Variants in LY6G6D observed in about 807,000 individuals in gnomAD.
The protein encoded by LY6G6D is lymphocyte antigen 6 family member G6D.
In LY6G6D, 5 loss-of-function variants were observed where a neutral mutation model predicts 8.5. That is an observed-to-expected ratio of 0.59 (90% confidence interval 0.31 to 1.24). The LOEUF is 1.24. Ranked by LOEUF, LY6G6D falls within the 50% of genes most tolerant of loss-of-function variation. The probability of loss-of-function intolerance (pLI) is 0.07; values close to 1 mark genes in which losing one functional copy is unlikely to be tolerated. For synonymous variants in LY6G6D, 65 were observed against 69.6 expected (o/e 0.93, Z 0.33); for missense variants, 154 against 170.4 (o/e 0.90, Z 0.53).
rs368565028 is a variant in LY6G6D at position 31,717,799 on chromosome 6, G to A, written c.397G>A (p.Gly133Arg). ...CTGTCTCTTGCCAGGACTGTGGAGC[G>A]GATAGGGGGAGTAGGAGTAGAGAAG... ...LTCLLPGLWS[G>R] Residue 133 changes from glycine to arginine, a missense_variant, in exon 3 of 3, where the codon GGA (glycine) becomes AGA (arginine). Physicochemically the swap from Gly to Arg is moderately radical, Grantham distance 125 (BLOSUM62 -2). Coordinates refer to ENST00000375825, the MANE Select transcript of LY6G6D (RefSeq NM_021246.4). This position sits in a 1 kb window ranked among gnomAD's most constrained non-coding sequence, Gnocchi z 5.0. 110 of 1,609,762 alleles carry A rather than the reference G, an allele frequency of 6.8e-5. No individual in the cohort carries two copies. The highest frequency in any genetic ancestry group is 2.3e-4 in the African/African-American group (17 of 75,010).
rs1195915900 is a variant in LY6G6D at position 31,717,436 on chromosome 6, T to G, written c.179-145T>G. The G allele has an allele frequency of 6.3e-7, 1 of 1,595,194 alleles. No individual in the cohort carries two copies. The highest frequency in any genetic ancestry group is 1.1e-5 in the South Asian group (1 of 87,920). On this transcript the variant is annotated intron_variant, in intron 2 of 2. Transcript: ENST00000375825. The surrounding 1 kb of genome is among the most constrained non-coding windows in gnomAD (Gnocchi z 5.0). ...ATCAGGAGTTTACAAGGTCAATGCA[T>G]TAACTTTGATCACTTGGTTTCAGGG...
chr6:31,716,977 G>A lies in LY6G6D; in HGVS notation c.179-604G>A, dbSNP rs1007377203. Among the ~76,000 whole-genome samples, 2 of 151,006 alleles carry A rather than the reference G, an allele frequency of 1.3e-5. 1 individual carries two copies. Among genetic ancestry groups the A allele is most frequent in the East Asian group, 3.9e-4 (2 of 5,076 alleles). ...ATTAAACAAAAATTACGTGCCGGAT[G>A]CAGTGGCTCACGCCTGTAATCCCAG... On this transcript the variant is annotated intron_variant, in intron 2 of 2. Transcript: ENST00000375825. This position sits in a 1 kb window ranked among gnomAD's most constrained non-coding sequence, Gnocchi z 5.1.
chr6:31,715,421 G>T lies in LY6G6D; in HGVS notation c.55+11G>T. The T allele has an allele frequency of 6.2e-7, 1 of 1,605,204 alleles. No individual in the cohort carries two copies. On this transcript the variant is annotated intron_variant, in intron 1 of 2. Coordinates refer to ENST00000375825, the MANE Select transcript of LY6G6D (RefSeq NM_021246.4). ...TAGGGGCTGCCTTGGGTAAGGAGGCGGCCAGCTAGCTTCTCACACAGGCCT... is the reference window on the plus strand; with the variant it reads ...TAGGGGCTGCCTTGGGTAAGGAGGCTGCCAGCTAGCTTCTCACACAGGCCT...
At chr6:31,715,459 C>T in intron 1 of LY6G6D, 43 bp from the exon 2 acceptor site, 1 of 1,606,454 alleles carries the variant, frequency 6.2e-7, no homozygotes, top group Non-Finnish European at 8.5e-7. Flanking sequence ...TGCCAGCCGG[C>T]TCCACCGAGG....
chr6:31,715,531 G>A lies in LY6G6D; in HGVS notation c.85G>A (p.Gly29Arg), dbSNP rs1583792022. 6.2e-7 allele frequency: 1 copy of A among 1,613,010 alleles called. No individual in the cohort carries two copies. Among genetic ancestry groups the A allele is most frequent in the Non-Finnish European group, 8.5e-7 (1 of 1,180,014 alleles). ...GNRMRCYNCG[G>R]SPSSSCKEAV... ...CCGAATGCGGTGCTACAACTGTGGTGGAAGCCCCAGCAGTTCTTGCAAAGA... is the reference window on the plus strand; with the variant it reads ...CCGAATGCGGTGCTACAACTGTGGTAGAAGCCCCAGCAGTTCTTGCAAAGA... The change falls in exon 2 of 3, where the codon GGA becomes AGA. Residue 29 changes from glycine (G) to arginine (R), a missense_variant. Physicochemically the swap from Gly to Arg is moderately radical, Grantham distance 125. Transcript: ENST00000375825.
chr6:31,717,834 G>A lies in LY6G6D; in HGVS notation c.*30G>A. The A allele has an allele frequency of 6.9e-6, 11 of 1,589,038 alleles. No homozygotes were observed. The highest frequency in any genetic ancestry group is 9.4e-6 in the Non-Finnish European group (11 of 1,169,598). ...AGTAGGAGTAGAGAAGGGAACAAGG[G>A]AGCAAGGGAACAAGGGACATCTGAA... is the stretch of plus-strand genomic sequence containing the variant. On this transcript the variant is annotated 3_prime_UTR_variant, in exon 3 of 3. Transcript: ENST00000375825. This position sits in a 1 kb window ranked among gnomAD's most constrained non-coding sequence, Gnocchi z 5.0.
rs779953218 is a variant in LY6G6D, at chr6:31,717,740, C to A, written c.338C>A (p.Ala113Glu). The change falls in exon 3 of 3, where the codon GCA becomes GAA. Residue 113 changes from alanine to glutamate, a missense_variant. Ala to Glu is a moderately radical substitution (Grantham distance 107, BLOSUM62 -1). Coordinates refer to ENST00000375825, the MANE Select transcript of LY6G6D (RefSeq NM_021246.4). The surrounding 1 kb of genome is among the most constrained non-coding windows in gnomAD (Gnocchi z 5.0). ...GCCGTGGCAAGCCATGTGGCCCCTG[C>A]AGGCATTTTGGCTGCAGCAGCTACC... Reference protein sequence around the residue: ...NSAVASHVAPAGILAAAATAL... With the variant: ...NSAVASHVAPEGILAAAATAL... 8 of 1,614,154 alleles carry A rather than the reference C, an allele frequency of 5.0e-6. No individual in the cohort carries two copies. Among genetic ancestry groups the A allele is most frequent in the Non-Finnish European group, 6.8e-6 (8 of 1,180,036 alleles).
At chr6:31,715,945 G>A (rs374160908) in intron 2 of LY6G6D, among the ~76,000 whole-genome samples, 2 of 128,848 alleles carry the variant, frequency 1.6e-5, no homozygotes, top group Non-Finnish European at 3.2e-5. Context: ...TAAGGACCAG[G>A]GAGGGGTGTG....
Position 31,717,641 on chromosome 6 carries a change from T to G in LY6G6D, c.239T>G (p.Val80Gly). The G allele has an allele frequency of 6.2e-7, 1 of 1,614,148 alleles. No homozygotes were observed. The highest frequency in any genetic ancestry group is 8.5e-7 in the Non-Finnish European group (1 of 1,180,012). Residue 80 changes from valine (V) to glycine (G), a missense_variant, in exon 3 of 3, where the codon GTG becomes GGG. Val to Gly is a moderately radical substitution (Grantham distance 109, BLOSUM62 -3). Coordinates refer to ENST00000375825, the MANE Select transcript of LY6G6D (RefSeq NM_021246.4). The surrounding 1 kb of genome is among the most constrained non-coding windows in gnomAD (Gnocchi z 5.0). ...GTCGCAGCCCATCATTGCAATCAAG[T>G]GGAGACAGAGTCGGTGGGAGACGTG... ...ACVAAHHCNQ[V>G]ETESVGDVTY...
At position 31,715,631 on chromosome 6, in the gene LY6G6D, C is replaced by T; in HGVS notation, c.178+7C>T. Reference sequence around the variant, plus strand: ...ATCAAGCTACCTGGAAACCGTGAGTCCTCAGTTTCTCCCTCTTCCAGCAGC... The same window carrying T: ...ATCAAGCTACCTGGAAACCGTGAGTTCTCAGTTTCTCCCTCTTCCAGCAGC... On this transcript the variant is annotated splice_region_variant and intron_variant, in intron 2 of 2. Coordinates refer to ENST00000375825, the MANE Select transcript of LY6G6D (RefSeq NM_021246.4). 6.2e-7 allele frequency: 1 copy of T among 1,611,146 alleles called. No homozygotes were observed. The highest frequency in any genetic ancestry group is 8.5e-7 in the Non-Finnish European group (1 of 1,178,438).
Position 31,716,365 on chromosome 6 carries a change from G to A in LY6G6D, c.178+741G>A, listed in dbSNP as rs1203511615. Among the ~76,000 whole-genome samples, 1 of 152,124 alleles carries A rather than the reference G, an allele frequency of 6.6e-6. No individual in the cohort carries two copies. Among genetic ancestry groups the A allele is most frequent in the Non-Finnish European group, 1.5e-5 (1 of 68,030 alleles). On this transcript the variant is annotated intron_variant, in intron 2 of 2. Transcript: ENST00000375825. The surrounding 1 kb of genome is among the most constrained non-coding windows in gnomAD (Gnocchi z 5.1). Reference sequence around the variant, plus strand: ...AGCACTTTAGGAGGCCAAGGTGGGAGGACCACTTGAGCCCAAGAGTTGAGA... The same window carrying A: ...AGCACTTTAGGAGGCCAAGGTGGGAAGACCACTTGAGCCCAAGAGTTGAGA...
intron 2 of LY6G6D, 139 bp downstream of exon 2, chr6:31,715,763 C>T (rs1438839369): frequency 7.6e-7 from 1 of 1,310,092 alleles, no homozygotes; most frequent in African/African-American, 1.5e-5. Context: ...GCAGTCTGTA[C>T]CCCTTCTGGC....
chr6:31,717,365 G>A lies in LY6G6D; in HGVS notation c.179-216G>A, dbSNP rs1329572790. ...ATGAGATTGAGGTCATGCATTTTAA[G>A]CAAGAATACTGCAGAAGTGATGTTG... On this transcript the variant is annotated intron_variant, in intron 2 of 2. Coordinates refer to ENST00000375825, the MANE Select transcript of LY6G6D (RefSeq NM_021246.4). The surrounding 1 kb of genome is among the most constrained non-coding windows in gnomAD (Gnocchi z 5.0). 3 of 1,143,638 alleles carry A rather than the reference G, an allele frequency of 2.6e-6. No homozygotes were observed. The highest frequency in any genetic ancestry group is 2.6e-5 in the East Asian group (1 of 38,952). The allele number at this position is 1,143,638 out of a possible 1,614,324, so 70.8% of individuals were successfully genotyped here.
rs1424811978 is a variant in LY6G6D, at chr6:31,717,190, C to T, written c.179-391C>T. Among the ~76,000 whole-genome samples, 3 of 149,246 alleles carry T rather than the reference C, an allele frequency of 2.0e-5. No homozygotes were observed. Among genetic ancestry groups the T allele is most frequent in the Admixed American group, 6.7e-5 (1 of 14,880 alleles). On this transcript the variant is annotated intron_variant, in intron 2 of 2. Transcript: ENST00000375825. This position sits in a 1 kb window ranked among gnomAD's most constrained non-coding sequence, Gnocchi z 5.0. ...GCTTGAACCCAAGAGGTGGAGGTCG[C>T]GGTGAGCCGAGATCACACCATTGCA...
chr6:31,715,529 G>A lies in LY6G6D; in HGVS notation c.83G>A (p.Gly28Asp). ...AACCGAATGCGGTGCTACAACTGTG[G>A]TGGAAGCCCCAGCAGTTCTTGCAAA... ...LGNRMRCYNCGGSPSSSCKEA... is the reference protein window; with the variant it reads ...LGNRMRCYNCDGSPSSSCKEA... The change falls in exon 2 of 3, where the codon GGT becomes GAT. Residue 28 changes from glycine (G) to aspartate (D), a missense_variant. Gly to Asp is a moderately conservative substitution (Grantham distance 94). Transcript: ENST00000375825. The A allele has an allele frequency of 6.2e-7, 1 of 1,613,070 alleles. No individual in the cohort carries two copies.
rs1404821501 is a variant in LY6G6D at position 31,717,245 on chromosome 6, G to T, written c.179-336G>T. ...AGCTGGGCAATAAGAGTGAAACTCC[G>T]TCTCAAAAAAAAAAAAAAAATTACA... On this transcript the variant is annotated intron_variant, in intron 2 of 2. Transcript: ENST00000375825. The surrounding 1 kb of genome is among the most constrained non-coding windows in gnomAD (Gnocchi z 5.0). Among the ~76,000 whole-genome samples, 2 of 143,772 alleles carry T rather than the reference G, an allele frequency of 1.4e-5. No individual in the cohort carries two copies. The highest frequency in any genetic ancestry group is 4.1e-4 in the East Asian group (2 of 4,848). The allele number at this position is 143,772 out of a possible 152,430, so 94.3% of individuals were successfully genotyped here. A position where few individuals can be genotyped will look rare whatever the true frequency, so the allele number is the denominator to read the frequency against.
chr6:31,715,950 GGTGTGTGTGTGTGTGTGTGT>G (rs3138769), intron 2 of LY6G6D, among the ~76,000 whole-genome samples: 1 of 146,956 alleles, frequency 6.8e-6, no homozygotes, highest in African/African-American at 2.5e-5. Context: ...ACCAGGGAGG[GGTGTGTGTGTGTGTGTGTGT>G]GTGTGTGTGT....
In LY6G6D at chr6:31,715,555, G is replaced by A; in HGVS notation, c.109G>A (p.Glu37Lys). Residue 37 changes from glutamate (E) to lysine (K), a missense_variant, in exon 2 of 3, where the codon GAG (glutamate) becomes AAG (lysine). Coordinates refer to ENST00000375825, the MANE Select transcript of LY6G6D (RefSeq NM_021246.4). ...TGGAAGCCCCAGCAGTTCTTGCAAA[G>A]AGGCCGTGACCACCTGTGGCGAGGG... The part of the protein sequence containing the change: ...CGGSPSSSCK[E>K]AVTTCGEGRP... 1 of 1,613,072 alleles carries A rather than the reference G, an allele frequency of 6.2e-7. No individual in the cohort carries two copies. Among genetic ancestry groups the A allele is most frequent in the Non-Finnish European group, 8.5e-7 (1 of 1,180,038 alleles).
rs1362028782 is a variant in LY6G6D at position 31,716,789 on chromosome 6, T to G, written c.179-792T>G. ...ATGTTTTTAAAAAATTAGCCAGGCA[T>G]AGTGGCACACACCTGTAATCTCAGT... On this transcript the variant is annotated intron_variant, in intron 2 of 2. Coordinates refer to ENST00000375825, the MANE Select transcript of LY6G6D (RefSeq NM_021246.4). The surrounding 1 kb of genome is among the most constrained non-coding windows in gnomAD (Gnocchi z 5.1). Among the ~76,000 whole-genome samples, 1 of 151,872 alleles carries G rather than the reference T, an allele frequency of 6.6e-6. No homozygotes were observed. The highest frequency in any genetic ancestry group is 1.5e-5 in the Non-Finnish European group (1 of 67,994).
Sources: gnomAD v4.1 joint callset for allele counts (sites outside exome capture counted in the v4.1 genomes callset) on GRCh38, gnomAD v4.1.1 for gene constraint, Gnocchi (gnomAD v3.1) non-coding constraint, MANE v1.5 for transcripts, NCBI Gene and HGNC (gene_info 2026-07-23, HGNC 2026-07-21) for gene names.